F11: variants seen among roughly 807,000 people sequenced by gnomAD.
The protein encoded by F11 is coagualtion factor XI.
F11 carries 78 observed loss-of-function variants against 76.5 expected under a neutral mutation model. That is an observed-to-expected ratio of 1.02 (90% confidence interval 0.85 to 1.23). F11 has a LOEUF of 1.23. Among genes scored for constraint, F11 ranks in the 50% most tolerant of loss-of-function variants. The pLI, the probability that F11 is intolerant of heterozygous loss-of-function variation, is 0.00. For synonymous variants in F11, 278 were observed against 276.3 expected (o/e 1.01, Z -0.06); for missense variants, 742 against 771.4 (o/e 0.96, Z 0.45).
chr4:186,284,069 T>G (rs368178197), intron 10 of F11, 23 bp from the exon 11 acceptor site: 1 of 1,614,172 alleles, frequency 6.2e-7, no homozygotes, highest in South Asian at 1.1e-5. Flanking sequence ...AGGAAGCTGC[T>G]CATCACAATG....
chr4:186,269,532 G>C (rs1225172233), intron 2 of F11, among the ~76,000 whole-genome samples: 1 of 152,238 alleles, frequency 6.6e-6, no homozygotes, highest in Admixed American at 6.5e-5. Flanking sequence ...ACTGATAGGA[G>C]GTACTTAGGG....
chr4:186,282,924 G>T (rs745408788), intron 10 of F11: 123 of 985,258 alleles, frequency 1.2e-4, no homozygotes, highest in Admixed American at 3.7e-4. Flanking sequence ...GGCCTAGAAA[G>T]GTTGTTTTAC....
At chr4:186,287,240 C>T (rs1741270508) in intron 13 of F11, among the ~76,000 whole-genome samples, 1 of 151,824 alleles carries the variant, frequency 6.6e-6, no homozygotes, top group Non-Finnish European at 1.5e-5. Flanking sequence ...TTCCAAAGTG[C>T]TGGAATTACA....
chr4:186,271,563 T>C (rs1478881100), intron 2 of F11, 46 bp from the exon 3 acceptor site: 1 of 1,608,356 alleles, frequency 6.2e-7, no homozygotes, highest in Non-Finnish European at 8.5e-7. Context: ...ACTAGATGTA[T>C]GCCCAGTAAA....
chr4:186,273,569 T>G (rs1740145772), intron 4 of F11, among the ~76,000 whole-genome samples: 1 of 152,040 alleles, frequency 6.6e-6, no homozygotes, highest in Non-Finnish European at 1.5e-5. Flanking sequence ...CTTCCTGCCT[T>G]AGCCTCTGGA....
chr4:186,284,306 T>G, intron 11 of F11, 46 bp downstream of exon 11: 1 of 1,451,806 alleles, frequency 6.9e-7, no homozygotes, highest in Non-Finnish European at 9.6e-7. Context: ...TTCACACATT[T>G]ATAAAAAATA....
chr4:186,288,512 C>G lies in F11; in HGVS notation c.1776C>G (p.Ile592Met). 1 of 1,614,168 alleles carries G rather than the reference C, an allele frequency of 6.2e-7. No individual in the cohort carries two copies. The highest frequency in any genetic ancestry group is 8.5e-7 in the Non-Finnish European group (1 of 1,180,024). Residue 592 changes from isoleucine to methionine, a missense_variant, in exon 15 of 15, where the codon ATC becomes ATG. By Grantham distance (10) the Ile-to-Met change is conservative. Coordinates refer to ENST00000403665, the MANE Select transcript of F11 (RefSeq NM_000128.4). ...ATGAGGTCTGGCATCTGGTAGGCAT[C>G]ACGAGCTGGGGCGAAGGCTGTGCTC... ...KHNEVWHLVG[I>M]TSWGEGCAQR...
downstream of F11, among the ~76,000 whole-genome samples, chr4:186,290,587 G>T (rs1286843671): frequency 2.0e-5 from 3 of 152,152 alleles, no homozygotes; most frequent in Non-Finnish European, 4.4e-5. Context: ...ACATATTTCT[G>T]TTTTTAGTAT....
chr4:186,280,140 A>C lies in F11; in HGVS notation c.865+19A>C, dbSNP rs769961226. On this transcript the variant is annotated intron_variant, in intron 8 of 14. Transcript: ENST00000403665. The stretch of plus-strand genomic sequence containing the variant: ...ATCCCAGGTAAACTGAGAGTTCTGC[A>C]TTCTGGCTGAGAGTGACCAGCCCCG... 9.3e-6 allele frequency: 15 copies of C among 1,613,970 alleles called. No homozygotes were observed. Among genetic ancestry groups the C allele is most frequent in the Non-Finnish European group, 1.3e-5 (15 of 1,179,824 alleles).
At chr4:186,275,949 T>C (rs769859690) in intron 6 of F11, 53 bp downstream of exon 6, 284 of 1,379,522 alleles carry the variant, frequency 2.1e-4, no homozygotes, top group Non-Finnish European at 2.5e-4. Context: ...TGCTGATGAT[T>C]ACAGTAGATC....
At chr4:186,270,185 A>C (rs763927639) in intron 2 of F11, among the ~76,000 whole-genome samples, 1 of 152,234 alleles carries the variant, frequency 6.6e-6, no homozygotes, top group Non-Finnish European at 1.5e-5. Context: ...TAATTAAATG[A>C]GTAAGAAGTC....
Position 186,288,648 on chromosome 4 carries a change from G to C in F11, c.*34G>C, listed in dbSNP as rs749030905. 3 of 1,602,512 alleles carry C rather than the reference G, an allele frequency of 1.9e-6. No individual in the cohort carries two copies. The highest frequency in any genetic ancestry group is 1.7e-4 in the Middle Eastern group (1 of 6,030). On this transcript the variant is annotated 3_prime_UTR_variant, in exon 15 of 15. Coordinates refer to ENST00000403665, the MANE Select transcript of F11 (RefSeq NM_000128.4). Reference sequence around the variant, plus strand: ...CCAGGGGCCATTGGAGTCCCTGAAGGACCCAGGATTTGCTGGGAGAGGGTG... The same window carrying C: ...CCAGGGGCCATTGGAGTCCCTGAAGCACCCAGGATTTGCTGGGAGAGGGTG...
At chr4:186,266,996 A>G in intron 1 of F11, 140 bp from the exon 2 acceptor site, 1 of 672,706 alleles carries the variant, frequency 1.5e-6, no homozygotes, top group Non-Finnish European at 2.7e-6. Context: ...AGAAAATTCA[A>G]CATTATAATG....
chr4:186,287,142 T>C (rs1741263035), intron 13 of F11, among the ~76,000 whole-genome samples: 1 of 151,050 alleles, frequency 6.6e-6, no homozygotes, highest in East Asian at 2.0e-4. Flanking sequence ...CCCAAGCTAA[T>C]TTTTTGTATT....
Position 186,275,878 on chromosome 4 carries a change from T to C in F11, c.577T>C (p.Cys193Arg). Residue 193 changes from cysteine (C) to arginine (R), a missense_variant, in exon 6 of 15, where the codon TGT becomes CGT. Coordinates refer to ENST00000403665, the MANE Select transcript of F11 (RefSeq NM_000128.4). ...GGTGTCTGGATTTTCACTGAAATCC[T>C]GTGCACTTTCTAATCTGGGTAATTA... ...KVVSGFSLKS[C>R]ALSNLACIRD... 1.2e-6 allele frequency: 2 copies of C among 1,611,536 alleles called. No homozygotes were observed. Among genetic ancestry groups the C allele is most frequent in the Non-Finnish European group, 1.7e-6 (2 of 1,178,226 alleles).
chr4:186,280,390 GCCATATGAAGGGTTATGCAGACA>G lies in F11; in HGVS notation c.1028+8_1028+30del. The G allele has an allele frequency of 6.2e-7, 1 of 1,614,212 alleles. No individual in the cohort carries two copies. The highest frequency in any genetic ancestry group is 8.5e-7 in the Non-Finnish European group (1 of 1,180,048). ...AGCATCCTGCAACGAAGGGAAGTAA[GCCATATGAAGGGTTATGCAGACA>G]CCCTTGTCCCGTCTGCCTGTGAGGT... On this transcript the variant is annotated splice_donor_region_variant and intron_variant, in intron 9 of 14. Coordinates refer to ENST00000403665, the MANE Select transcript of F11 (RefSeq NM_000128.4).
At position 186,276,298 on chromosome 4, in the gene F11, C is replaced by T. The variant is rs142846329; in HGVS notation, c.663C>T (p.Pro221=). 2.3e-4 allele frequency: 370 copies of T among 1,614,058 alleles called. No homozygotes were observed. In the African/African-American group the frequency reaches 4.2e-3, roughly 18 times the overall value. The change falls in exon 7 of 15, where the codon CCC becomes CCT. Residue 221 remains proline, a synonymous_variant. Coordinates refer to ENST00000403665, the MANE Select transcript of F11 (RefSeq NM_000128.4). ...GCAACATCGACAGTGTCATGGCTCCCGATGCTTTTGTCTGTGGCCGAATCT... is the reference window on the plus strand; with the variant it reads ...GCAACATCGACAGTGTCATGGCTCCTGATGCTTTTGTCTGTGGCCGAATCT... ...ADSNIDSVMA[P]DAFVCGRICT... is the part of the protein sequence containing the mutation.
intron 5 of F11, 194 bp downstream of exon 5, chr4:186,274,469 G>A: frequency 3.0e-6 from 2 of 666,242 alleles, no homozygotes; most frequent in South Asian, 1.9e-5. Flanking sequence ...ATGGTAAGGA[G>A]TCTATCTTTT....
chr4:186,288,473 G>A lies in F11; in HGVS notation c.1737G>A (p.Leu579=). 1 of 1,614,110 alleles carries A rather than the reference G, an allele frequency of 6.2e-7. No homozygotes were observed. The highest frequency in any genetic ancestry group is 8.5e-7 in the Non-Finnish European group (1 of 1,180,016). ...TCTAGGGAGATTCGGGAGGCCCTCT[G>A]TCCTGCAAACACAATGAGGTCTGGC... ...DACKGDSGGP[L]SCKHNEVWHL... is the part of the protein sequence containing the mutation. The change falls in exon 15 of 15, where the codon CTG becomes CTA. Residue 579 remains leucine (L), a synonymous_variant. Transcript: ENST00000403665.
Sources: allele counts gnomAD v4.1 joint callset (sites outside exome capture counted in the v4.1 genomes callset), GRCh38; gene constraint gnomAD v4.1.1; transcripts MANE v1.5; gene names NCBI Gene and HGNC (gene_info 2026-07-23, HGNC 2026-07-21).